IDO2: variants seen among roughly 807,000 people sequenced by gnomAD.
The protein encoded by IDO2 is indoleamine 2,3-dioxygenase 2.
IDO2 carries 46 observed loss-of-function variants against 45.1 expected under a neutral mutation model. That is an observed-to-expected ratio of 1.02 (90% CI 0.80 to 1.30). IDO2 has a LOEUF of 1.30. Among genes scored for constraint, IDO2 ranks in the 50% most tolerant of loss-of-function variants. The pLI, the probability that IDO2 is intolerant of heterozygous loss-of-function variation, is 0.00. For synonymous variants in IDO2, 218 were observed against 184.9 expected (o/e 1.18, Z -1.45); for missense variants, 544 against 491.8 (o/e 1.11, Z -1.00).
intron 6 of IDO2, 48 bp from the exon 7 acceptor site, chr8:39,987,823 A>G (rs1448587017): frequency 1.8e-5 from 21 of 1,138,060 alleles, no homozygotes; most frequent in Non-Finnish European, 2.6e-5. Context: ...GTGAGTACTC[A>G]CGGTACAGTC....
At chr8:39,994,596 C>T (rs1016566081) in intron 8 of IDO2, among the ~76,000 whole-genome samples, 1 of 151,996 alleles carries the variant, frequency 6.6e-6, no homozygotes, top group Non-Finnish European at 1.5e-5. Context: ...GAGGAAGTTA[C>T]TAAACTCCGA....
chr8:39,946,820 G>T (rs1333135627), intron 1 of IDO2, among the ~76,000 whole-genome samples: 1 of 151,710 alleles, frequency 6.6e-6, no homozygotes, highest in Admixed American at 6.6e-5. Context: ...CACTTCATAA[G>T]TGAAATCACT....
chr8:39,992,292 A>G (rs1445664438), intron 8 of IDO2, among the ~76,000 whole-genome samples: 1 of 152,164 alleles, frequency 6.6e-6, no homozygotes, highest in Non-Finnish European at 1.5e-5. Flanking sequence ...AAGTCCACCT[A>G]CCCTGAGATC....
intron 2 of IDO2, among the ~76,000 whole-genome samples, chr8:39,952,357 T>C (rs184910455): frequency 1.3e-3 from 205 of 152,332 alleles, no homozygotes; most frequent in African/African-American, 4.9e-3. Context: ...CTTCAGTATC[T>C]CTTTTAGATG....
chr8:39,988,559 G>T (rs762938638), intron 7 of IDO2, among the ~76,000 whole-genome samples: 1 of 152,090 alleles, frequency 6.6e-6, no homozygotes, highest in Non-Finnish European at 1.5e-5. Flanking sequence ...AGCCTCCTAA[G>T]TAGTGCACGC....
exon 7 of IDO2, chr8:39,987,962 G>A (rs746967086): frequency 1.3e-6 from 2 of 1,595,896 alleles, no homozygotes; most frequent in South Asian, 2.2e-5. Context: ...AGCAGTGCCT[G>A]GGATAAAGGT....
chr8:40,010,491 T>C (rs972598987), intron 9 of IDO2, among the ~76,000 whole-genome samples: 1 of 152,214 alleles, frequency 6.6e-6, no homozygotes, highest in Non-Finnish European at 1.5e-5. Context: ...GCAAATCATC[T>C]CTGTATTGAC....
At chr8:39,973,457 C>A (rs1445274212) in intron 3 of IDO2, among the ~76,000 whole-genome samples, 1 of 151,818 alleles carries the variant, frequency 6.6e-6, no homozygotes, top group African/African-American at 2.4e-5. Context: ...ATTTCCTTTC[C>A]TTAGGAAAGG....
rs139563390 is a variant in IDO2 at position 39,943,224 on chromosome 8, A to G, written c.-17-5925A>G. On this transcript the variant is annotated intron_variant, in intron 1 of 10. Coordinates refer to ENST00000502986, the Ensembl canonical transcript of IDO2. ...CTTTAAGAAAAATGCAAAAAATATTAGCTGGGTGTGGTGGTACAAGCCTGT... is the reference window on the plus strand; with the variant it reads ...CTTTAAGAAAAATGCAAAAAATATTGGCTGGGTGTGGTGGTACAAGCCTGT... Among the ~76,000 whole-genome samples the G allele has an allele frequency of 9.8e-3, 1,486 of 152,054 alleles. 24 individuals are homozygous for G. Among genetic ancestry groups the G allele is most frequent in the African/African-American group, 0.033 (1,371 of 41,470 alleles).
intron 3 of IDO2, among the ~76,000 whole-genome samples, chr8:39,966,885 T>C (rs1371420531): frequency 6.6e-6 from 1 of 152,200 alleles, no homozygotes; most frequent in Non-Finnish European, 1.5e-5. Flanking sequence ...GGTAGCCCAC[T>C]TGGCATTCAG....
intron 2 of IDO2, among the ~76,000 whole-genome samples, chr8:39,959,268 G>T (rs1807955922): frequency 8.0e-6 from 1 of 124,698 alleles, no homozygotes. Flanking sequence ...CCACCACGCT[G>T]GGCTAATTTT....
At chr8:39,939,252 A>AGG in intron 1 of IDO2, among the ~76,000 whole-genome samples, 2 of 149,010 alleles carry the variant, frequency 1.3e-5, no homozygotes, top group East Asian at 3.9e-4. Context: ...CAAAAAAAAA[A>AGG]AAAAAAAAAA....
chr8:39,952,449 G>A (rs893420003), intron 2 of IDO2, among the ~76,000 whole-genome samples: 2 of 152,146 alleles, frequency 1.3e-5, no homozygotes, highest in African/African-American at 4.8e-5. Flanking sequence ...AGAAAACGTG[G>A]TCAAGACAGT....
chr8:40,011,251 C>T (rs1444893562), intron 9 of IDO2, among the ~76,000 whole-genome samples: 1 of 152,154 alleles, frequency 6.6e-6, no homozygotes, highest in East Asian at 1.9e-4. Flanking sequence ...CTAGAGAAGA[C>T]CATTTGGGAA....
At chr8:39,950,857 T>C (rs772682990) in intron 2 of IDO2, among the ~76,000 whole-genome samples, 17 of 152,172 alleles carry the variant, frequency 1.1e-4, no homozygotes, top group Non-Finnish European at 2.4e-4. Context: ...GCTTTTCTAG[T>C]TCTGTCCAGA....
intron 8 of IDO2, among the ~76,000 whole-genome samples, chr8:40,005,018 T>TTGCC (rs1210682993): frequency 6.6e-6 from 1 of 152,228 alleles, no homozygotes; most frequent in Non-Finnish European, 1.5e-5. Flanking sequence ...TTCTCAAACA[T>TTGCC]TGCCTGTTTA....
intron 8 of IDO2, among the ~76,000 whole-genome samples, chr8:39,994,495 G>A (rs1802000937): frequency 6.6e-6 from 1 of 152,096 alleles, no homozygotes; most frequent in Non-Finnish European, 1.5e-5. Context: ...GACCTTAGGT[G>A]ATCTGCCCAC....
intron 4 of IDO2, among the ~76,000 whole-genome samples, chr8:39,980,058 A>G (rs950996403): frequency 6.6e-6 from 1 of 152,018 alleles, no homozygotes; most frequent in Non-Finnish European, 1.5e-5. Context: ...TCCTGGCCTC[A>G]AGTGATCCTC....
intron 1 of IDO2, among the ~76,000 whole-genome samples, chr8:39,944,685 T>C (rs1387242798): frequency 2.0e-5 from 3 of 152,218 alleles, no homozygotes; most frequent in African/African-American, 7.2e-5. Context: ...CCTGGAACTG[T>C]TTACTTTCCT....
Sources: allele counts gnomAD v4.1 joint callset (sites outside exome capture counted in the v4.1 genomes callset), GRCh38; gene constraint gnomAD v4.1.1; transcripts MANE v1.5; gene names NCBI Gene and HGNC (gene_info 2026-07-23, HGNC 2026-07-21).